KHDRBS2: variants seen among roughly 807,000 people sequenced by gnomAD.
The protein encoded by KHDRBS2 is KH RNA binding domain containing, signal transduction associated 2.
KHDRBS2 carries 26 observed loss-of-function variants against 44.3 expected under a neutral mutation model. The ratio of observed to expected loss-of-function variants is 0.59; its 90% CI spans 0.43 to 0.81. The LOEUF (loss-of-function observed/expected upper bound fraction) is 0.81. KHDRBS2 is among the 40% of genes least tolerant of loss of function. The pLI, the probability that KHDRBS2 is intolerant of heterozygous loss-of-function variation, is 0.00. For missense variants in KHDRBS2, 476 were observed against 433.1 expected (o/e 1.10, Z -0.88); for synonymous variants, 194 against 151.1 (o/e 1.28, Z -2.08).
chr6:61,750,637 C>T (rs1166197174), intron 6 of KHDRBS2, among the ~76,000 whole-genome samples: 1 of 152,074 alleles, frequency 6.6e-6, no homozygotes, highest in African/African-American at 2.4e-5. Flanking sequence ...TAGACAAAAC[C>T]GTCTTCTGAT....
chr6:62,064,220 G>T (rs1164279294), intron 2 of KHDRBS2, among the ~76,000 whole-genome samples: 2 of 139,326 alleles, frequency 1.4e-5, no homozygotes, highest in Non-Finnish European at 3.1e-5. Flanking sequence ...GTAATTTACA[G>T]ATTCAATGCC....
At chr6:61,598,653 T>C in the KHDRBS2 span, among the ~76,000 whole-genome samples, 1 of 152,128 alleles carries the variant, frequency 6.6e-6, no homozygotes, top group African/African-American at 2.4e-5. Flanking sequence ...AAACTAACTT[T>C]TATAAACGTT....
At chr6:61,692,082 C>A (rs1331786631) in intron 8 of KHDRBS2, among the ~76,000 whole-genome samples, 2 of 152,092 alleles carry the variant, frequency 1.3e-5, no homozygotes, top group African/African-American at 4.8e-5. Flanking sequence ...AGCTATCAGT[C>A]TCAGAGAGAA....
chr6:61,612,902 G>T, the KHDRBS2 span, among the ~76,000 whole-genome samples: 383 of 137,208 alleles, frequency 2.8e-3, no homozygotes, highest in African/African-American at 1.0e-2. Flanking sequence ...GCCCAGGCTG[G>T]AGTGCAGTGG....
At chr6:62,021,965 C>T (rs111455005) in intron 3 of KHDRBS2, among the ~76,000 whole-genome samples, 4 of 5,110 alleles carry the variant, frequency 7.8e-4, no homozygotes, top group Non-Finnish European at 9.3e-4. Flanking sequence ...ATACACTGTA[C>T]ATATATACAC....
chr6:61,866,212 A>C (rs1487627736), intron 6 of KHDRBS2, among the ~76,000 whole-genome samples: 2 of 152,146 alleles, frequency 1.3e-5, no homozygotes, highest in East Asian at 3.9e-4. Context: ...GTCTGCCCCT[A>C]AGGCAAACTT....
At chr6:61,679,849 G>A (rs1561961121), downstream of KHDRBS2, 1 of 151,942 alleles carries the variant, frequency 6.6e-6, no homozygotes, top group East Asian at 1.9e-4. Context: ...CATTTAGACA[G>A]TGGTAAGTGG....
At position 62,273,797 on chromosome 6, in the gene KHDRBS2, A is replaced by G. The variant is rs373406514; in HGVS notation, c.91+12061T>C. Among the ~76,000 whole-genome samples, 307 of 152,244 alleles carry G rather than the reference A, an allele frequency of 2.0e-3. 10 individuals carry two copies. In the South Asian group the frequency reaches 0.06, roughly 30 times the overall value. Reference sequence around the variant, plus strand: ...CAGTGTGTATCCAACTGAACTCAGCATTAACCTTCTTTTAATAAATATCTC... The same window carrying G: ...CAGTGTGTATCCAACTGAACTCAGCGTTAACCTTCTTTTAATAAATATCTC... On this transcript the variant is annotated intron_variant, in intron 1 of 8. Coordinates refer to ENST00000281156, the MANE Select transcript of KHDRBS2 (RefSeq NM_152688.4).
At chr6:62,174,151 T>C (rs1158107624) in intron 2 of KHDRBS2, among the ~76,000 whole-genome samples, 1 of 151,846 alleles carries the variant, frequency 6.6e-6, no homozygotes, top group Admixed American at 6.6e-5. Context: ...ATACTGTACC[T>C]ATAAAGCCCC....
chr6:61,876,633 T>C (rs2127310988), intron 6 of KHDRBS2, among the ~76,000 whole-genome samples: 1 of 152,200 alleles, frequency 6.6e-6, no homozygotes, highest in Non-Finnish European at 1.5e-5. Context: ...CATTCAGTTG[T>C]TGCAGTGAGC....
intron 1 of KHDRBS2, among the ~76,000 whole-genome samples, chr6:62,258,091 AG>A (rs1307604800): frequency 9.2e-5 from 14 of 152,042 alleles, no homozygotes; most frequent in Admixed American, 2.6e-4. Context: ...AAACAACAGC[AG>A]GTTTTCAGTT....
At chr6:62,057,099 A>T (rs1316011064) in intron 2 of KHDRBS2, among the ~76,000 whole-genome samples, 1 of 151,970 alleles carries the variant, frequency 6.6e-6, no homozygotes, top group Non-Finnish European at 1.5e-5. Flanking sequence ...GTTGGCTTTT[A>T]TGAGCAACAT....
rs536869412 is a variant in KHDRBS2 at position 61,814,620 on chromosome 6, AC to A, written c.810+80014del. 2.5e-4 allele frequency among the ~76,000 whole-genome samples: 38 copies of A among 152,216 alleles called. 1 individual carries two copies. In the South Asian group the frequency reaches 5.4e-3, roughly 22 times the overall value. On this transcript the variant is annotated intron_variant, in intron 6 of 8. Coordinates refer to ENST00000281156, the MANE Select transcript of KHDRBS2 (RefSeq NM_152688.4). ...ACTCCATCTCAAAAAACAAAAACAAACAAACAAAAAACTATATATAGTGTTA... is the reference window on the plus strand; with the variant it reads ...ACTCCATCTCAAAAAACAAAAACAAAAAACAAAAAACTATATATAGTGTTA...
At position 62,235,070 on chromosome 6, in the gene KHDRBS2, C is replaced by CTTTTTT. The variant is rs10570985; in HGVS notation, c.91+50782_91+50787dup. On this transcript the variant is annotated intron_variant, in intron 1 of 8. Transcript: ENST00000281156. ...ACAAACTGAGATGTTTCCATTTAGG[C>CTTTTTT]TTTTTTTTTTTTTTTTTTTTGAGCC... is the stretch of plus-strand genomic sequence containing the variant. 4.7e-5 allele frequency among the ~76,000 whole-genome samples: 5 copies of CTTTTTT among 106,966 alleles called. 1 individual carries two copies. The highest frequency in any genetic ancestry group is 3.4e-5 in the African/African-American group (1 of 29,536). The allele number at this position is 106,966 out of a possible 152,430, so 70.2% of individuals were successfully genotyped here.
chr6:62,021,962 G>GTATATA (rs1782412778), intron 3 of KHDRBS2, among the ~76,000 whole-genome samples: 3 of 42,772 alleles, frequency 7.0e-5, no homozygotes, highest in African/African-American at 1.7e-4. Flanking sequence ...CATATACACT[G>GTATATA]TACATATATA....
chr6:61,892,229 C>A lies in KHDRBS2; in HGVS notation c.810+2406G>T, dbSNP rs559611703. 1.6e-3 allele frequency among the ~76,000 whole-genome samples: 238 copies of A among 152,180 alleles called. 7 individuals are homozygous for A. In the South Asian group the frequency reaches 0.046, roughly 29 times the overall value. On this transcript the variant is annotated intron_variant, in intron 6 of 8. Transcript: ENST00000281156. ...GGACCTCTTCAAGGAGAACTACAAA[C>A]CACTGCTCAATGAAATAAAAGAGGA...
the KHDRBS2 span, among the ~76,000 whole-genome samples, chr6:61,599,764 G>T: frequency 6.6e-6 from 1 of 152,114 alleles, no homozygotes; most frequent in East Asian, 1.9e-4. Context: ...AAGACAGAAG[G>T]TGCTGCTTAA....
At chr6:61,662,705 A>T in the KHDRBS2 span, among the ~76,000 whole-genome samples, 1 of 152,032 alleles carries the variant, frequency 6.6e-6, no homozygotes, top group Non-Finnish European at 1.5e-5. Flanking sequence ...ATGAGGTACC[A>T]TCTCACACCA....
chr6:61,601,760 A>G, the KHDRBS2 span, among the ~76,000 whole-genome samples: 1 of 151,890 alleles, frequency 6.6e-6, no homozygotes, highest in Non-Finnish European at 1.5e-5. Flanking sequence ...AGCCAGGCTG[A>G]GCCAGGTCCC....
Sources: allele counts gnomAD v4.1 joint callset (sites outside exome capture counted in the v4.1 genomes callset), GRCh38; gene constraint gnomAD v4.1.1; transcripts MANE v1.5; gene names NCBI Gene and HGNC (gene_info 2026-07-23, HGNC 2026-07-21).